EIF3E: variants seen among roughly 807,000 people sequenced by gnomAD.
The protein encoded by EIF3E is eukaryotic translation initiation factor 3 subunit E, also known as eIF-3 p48.
A neutral mutation model predicts 59.3 loss-of-function variants in EIF3E; 25 were observed. The observed-to-expected ratio is 0.42, with a 90% confidence interval of 0.31 to 0.59. The LOEUF is 0.59. EIF3E is among the 20% of genes least tolerant of loss of function. The pLI, the probability that EIF3E is intolerant of heterozygous loss-of-function variation, is 0.15. For synonymous variants in EIF3E, 176 were observed against 170.2 expected (o/e 1.03, Z -0.26); for missense variants, 317 against 534.3 (o/e 0.59, Z 4.01).
At chr8:108,202,406 G>C (rs78353856) in intron 12 of EIF3E, among the ~76,000 whole-genome samples, 2,111 of 151,942 alleles carry the variant, frequency 0.014, 48 homozygotes, top group African/African-American at 0.048. Flanking sequence ...CTACCCTCCA[G>C]TTACACATAA....
At chr8:108,239,882 T>C (rs1381829452) in intron 3 of EIF3E, 76 bp downstream of exon 3, 8 of 1,174,846 alleles carry the variant, frequency 6.8e-6, no homozygotes, top group Middle Eastern at 2.8e-4. Context: ...TATGGGATAC[T>C]GGATAAAGTT....
intron 3 of EIF3E, among the ~76,000 whole-genome samples, chr8:108,236,763 T>C (rs1815738794): frequency 6.6e-6 from 1 of 152,202 alleles, no homozygotes; most frequent in African/African-American, 2.4e-5. Context: ...GACTGATACC[T>C]GTAATCCCAG....
At chr8:108,223,526 A>G (rs1444902498) in intron 7 of EIF3E, among the ~76,000 whole-genome samples, 1 of 152,204 alleles carries the variant, frequency 6.6e-6, no homozygotes, top group Non-Finnish European at 1.5e-5. Context: ...AAAACTTGAA[A>G]TTTCTTAGAA....
chr8:108,201,878 T>C lies in EIF3E; in HGVS notation c.*7A>G, dbSNP rs1417148030. On this transcript the variant is annotated 3_prime_UTR_variant, in exon 13 of 13. Transcript: ENST00000220849. ...AGTTTTTTTTTTCATCTTTTCTTTA[T>C]GGTTCTTCAGTAGAAGCCAGAATCT... 12 of 1,548,994 alleles carry C rather than the reference T, an allele frequency of 7.7e-6. 1 individual carries two copies. The highest frequency in any genetic ancestry group is 1.3e-5 in the South Asian group (1 of 76,682).
In EIF3E at chr8:108,241,931, T is replaced by A; in HGVS notation, c.91-18A>T. On this transcript the variant is annotated intron_variant, in intron 1 of 12. Coordinates refer to ENST00000220849, the MANE Select transcript of EIF3E (RefSeq NM_001568.3). ...TTATATATCTGCAAAAGAAGATAAC[T>A]TTCTAATGAATATATTTAAGTTCCC... The A allele has an allele frequency of 6.7e-7, 1 of 1,497,508 alleles. No individual in the cohort carries two copies. The highest frequency in any genetic ancestry group is 2.3e-5 in the East Asian group (1 of 43,994). 92.8% of individuals were successfully genotyped at this position (1,497,508 alleles called of 1,614,324 possible).
At chr8:108,248,269 C>A (rs1392121920) in intron 1 of EIF3E, among the ~76,000 whole-genome samples, 1 of 152,182 alleles carries the variant, frequency 6.6e-6, no homozygotes, top group Non-Finnish European at 1.5e-5. Context: ...CTCCAGGTTG[C>A]TTTTACAAGC....
chr8:108,209,121 T>C (rs898434170), intron 10 of EIF3E, among the ~76,000 whole-genome samples: 2 of 152,144 alleles, frequency 1.3e-5, no homozygotes, highest in South Asian at 2.1e-4. Context: ...TAAACAATTA[T>C]GGGTTTTATA....
At chr8:108,241,312 T>C (rs564853681) in intron 2 of EIF3E, among the ~76,000 whole-genome samples, 1 of 152,144 alleles carries the variant, frequency 6.6e-6, no homozygotes, top group Non-Finnish European at 1.5e-5. Flanking sequence ...TTAACAGTTT[T>C]GATTAAGTAG....
intron 7 of EIF3E, among the ~76,000 whole-genome samples, chr8:108,220,790 T>C (rs1415938475): frequency 2.0e-5 from 3 of 152,242 alleles, no homozygotes; most frequent in Admixed American, 2.0e-4. Context: ...GACAGATTTC[T>C]CTGGCTGCTA....
At chr8:108,241,135 A>G (rs931676007) in intron 2 of EIF3E, among the ~76,000 whole-genome samples, 1 of 152,258 alleles carries the variant, frequency 6.6e-6, no homozygotes, top group Admixed American at 6.5e-5. Context: ...AGTATATTCT[A>G]GAGCAGTCTT....
chr8:108,243,910 A>G lies in EIF3E; in HGVS notation c.91-1997T>C, dbSNP rs138402179. Among the ~76,000 whole-genome samples the G allele has an allele frequency of 4.6e-5, 7 of 152,258 alleles. No homozygotes were observed. The East Asian group carries it at 1.2e-3, about 25-fold the overall frequency. On this transcript the variant is annotated intron_variant, in intron 1 of 12. Coordinates refer to ENST00000220849, the MANE Select transcript of EIF3E (RefSeq NM_001568.3). Reference sequence around the variant, plus strand: ...GCTACCTCTCCCCACTCCACTAGTAACTTTTAATTTGCCACGTCTCTCTCC... The same window carrying G: ...GCTACCTCTCCCCACTCCACTAGTAGCTTTTAATTTGCCACGTCTCTCTCC...
chr8:108,204,719 T>C (rs1287361363), intron 10 of EIF3E, among the ~76,000 whole-genome samples: 1 of 136,732 alleles, frequency 7.3e-6, no homozygotes, highest in Non-Finnish European at 1.6e-5. Context: ...ATATACTATA[T>C]ATAGTATGTA....
chr8:108,221,659 A>G (rs1650852106), intron 7 of EIF3E: 1 of 152,184 alleles, frequency 6.6e-6, no homozygotes, highest in Non-Finnish European at 1.5e-5. Context: ...ATGGGGCTTG[A>G]GAAACACTGT....
Position 108,217,319 on chromosome 8 carries a change from AT to A in EIF3E, c.849+14del, listed in dbSNP as rs776387471. 182 of 1,514,686 alleles carry A rather than the reference AT, an allele frequency of 1.2e-4. No individual in the cohort carries two copies. In the Middle Eastern group the frequency reaches 2.6e-3, roughly 22 times the overall value. 93.8% of individuals were successfully genotyped at this position (1,514,686 alleles called of 1,614,324 possible). ...GGTATTTAAAAAAAAAAATCAATATATATTTTAGTTTTACCTGTTGAATAAC... is the reference window on the plus strand; with the variant it reads ...GGTATTTAAAAAAAAAAATCAATATAATTTTAGTTTTACCTGTTGAATAAC... On this transcript the variant is annotated intron_variant, in intron 8 of 12. Transcript: ENST00000220849.
intron 10 of EIF3E, among the ~76,000 whole-genome samples, chr8:108,209,030 G>A (rs934110901): frequency 2.0e-5 from 3 of 152,068 alleles, no homozygotes; most frequent in Non-Finnish European, 4.4e-5. Context: ...TTATAAAGCT[G>A]ACTATCACAT....
chr8:108,216,900 G>T (rs1013652813), intron 8 of EIF3E, among the ~76,000 whole-genome samples: 1 of 151,948 alleles, frequency 6.6e-6, no homozygotes, highest in African/African-American at 2.4e-5. Flanking sequence ...TCTAATCTAC[G>T]GGTTTTGCTG....
rs866448916 is a variant in EIF3E, at chr8:108,229,050, T to C, written c.597+20A>G. On this transcript the variant is annotated intron_variant, in intron 6 of 12. Transcript: ENST00000220849. ...ATACACAGATATTTCAGAGAATAAC[T>C]GTGAAAAAGTCGAACTCACATTATT... 6.9e-6 allele frequency: 11 copies of C among 1,585,722 alleles called. No individual in the cohort carries two copies. The highest frequency in any genetic ancestry group is 1.7e-5 in the Admixed American group (1 of 58,162).
intron 10 of EIF3E, among the ~76,000 whole-genome samples, chr8:108,206,592 GCACACACACACACACACACACACAC>G (rs1815105196): frequency 6.7e-6 from 1 of 149,580 alleles, no homozygotes; most frequent in Non-Finnish European, 1.5e-5. Context: ...GTGCACATGT[GCACACACACACACACACACACACAC>G]TGGCATGGTC....
At chr8:108,245,749 AT>A (rs1283463523) in intron 1 of EIF3E, among the ~76,000 whole-genome samples, 1 of 152,218 alleles carries the variant, frequency 6.6e-6, no homozygotes, top group Non-Finnish European at 1.5e-5. Flanking sequence ...ACAAGTATGT[AT>A]TCATTCAATC....
Sources: gnomAD v4.1 joint callset for allele counts (sites outside exome capture counted in the v4.1 genomes callset) on GRCh38, gnomAD v4.1.1 for gene constraint, MANE v1.5 for transcripts, NCBI Gene and HGNC (gene_info 2026-07-23, HGNC 2026-07-21) for gene names.